The following NUP210L variants were observed in gnomAD, a reference collection of about 807,000 sequenced individuals.
NUP210L encodes the protein nuclear pore membrane glycoprotein 210-like.
In NUP210L, 74 loss-of-function variants were observed where a neutral mutation model predicts 208.5. The ratio of observed to expected loss-of-function variants is 0.35; its 90% CI spans 0.29 to 0.43. The LOEUF is 0.43. Ranked by LOEUF, NUP210L falls within the 20% of genes least tolerant of loss-of-function variation. The pLI is 1.00. For synonymous variants in NUP210L, 780 were observed against 816.9 expected, an observed-to-expected ratio of 0.95 and a Z score of 0.77; for missense variants, 1,843 against 2,289.4, an observed-to-expected ratio of 0.81 and a Z score of 3.98.
At position 154,032,293 on chromosome 1, in the gene NUP210L, GTGAT is replaced by G. The variant is rs531399603; in HGVS notation, c.3697-2243_3697-2240del. Among the ~76,000 whole-genome samples, 296 of 152,232 alleles carry G rather than the reference GTGAT, an allele frequency of 1.9e-3. 2 individuals are homozygous for G. The highest frequency in any genetic ancestry group is 6.9e-3 in the African/African-American group (287 of 41,538). On this transcript the variant is annotated intron_variant, in intron 27 of 39. Transcript: ENST00000368559. ...GAAAACCTCCGAACTATGCTCCATA[GTGAT>G]TGTACTAATTTACATTCCCATCAAC...
chr1:154,137,230 C>T lies in NUP210L; in HGVS notation c.850+876G>A, dbSNP rs753232143. ...TTGGGACAAGGAGTTCAAGACCAGC[C>T]TGGGTAACATAATGAGATCCCATTT... On this transcript the variant is annotated intron_variant, in intron 6 of 39. Coordinates refer to ENST00000368559, the Ensembl canonical transcript of NUP210L. Among the ~76,000 whole-genome samples, 22 of 151,976 alleles carry T rather than the reference C, an allele frequency of 1.4e-4. 1 individual carries two copies. Among genetic ancestry groups the T allele is most frequent in the Admixed American group, 1.4e-3 (22 of 15,228 alleles).
At chr1:154,039,497 A>G (rs1652745678) in intron 27 of NUP210L, among the ~76,000 whole-genome samples, 1 of 152,088 alleles carries the variant, frequency 6.6e-6, no homozygotes, top group Non-Finnish European at 1.5e-5. Flanking sequence ...CGGCCTCCCA[A>G]AGTGCTGGGA....
chr1:154,128,795 C>T (rs1392375057), intron 8 of NUP210L, among the ~76,000 whole-genome samples: 1 of 151,650 alleles, frequency 6.6e-6, no homozygotes, highest in Non-Finnish European at 1.5e-5. Context: ...TGCAGTCAGC[C>T]AAGATCACAC....
rs549085507 is a variant in NUP210L at position 154,060,594 on chromosome 1, G to C, written c.2796C>G (p.Ser932Arg). 3 of 1,613,596 alleles carry C rather than the reference G, an allele frequency of 1.9e-6. No individual in the cohort carries two copies. The South Asian group carries it at 3.3e-5, about 18-fold the overall frequency. ...TGATGGTGACAACACCCTGCTCACT[G>C]CTGTTGACTAAAAAATAACCAGATC... Residue 932 changes from serine (S) to arginine (R), a missense_variant, in exon 20 of 40, where the codon AGC (serine) becomes AGG (arginine). Physicochemically the swap from Ser to Arg is moderately radical, Grantham distance 110. Transcript: ENST00000368559.
At chr1:154,103,759 C>T (rs1300807619) in intron 13 of NUP210L, among the ~76,000 whole-genome samples, 2 of 151,874 alleles carry the variant, frequency 1.3e-5, no homozygotes, top group Non-Finnish European at 2.9e-5. Context: ...TGATATTGGC[C>T]AGCTGCAATG....
chr1:154,126,265 A>G, intron 10 of NUP210L, 58 bp downstream of exon 10: 2 of 1,479,538 alleles, frequency 1.4e-6, no homozygotes, highest in Non-Finnish European at 1.8e-6. Context: ...CAAATCAACA[A>G]GTCAGCCAAG....
intron 16 of NUP210L, among the ~76,000 whole-genome samples, chr1:154,084,519 T>A (rs1221537514): frequency 6.7e-6 from 1 of 149,970 alleles, no homozygotes; most frequent in East Asian, 2.0e-4. Context: ...GCCTTAAATT[T>A]TTTGTACAGA....
At chr1:154,006,027 T>C (rs758097030) in intron 35 of NUP210L, among the ~76,000 whole-genome samples, 57 of 150,530 alleles carry the variant, frequency 3.8e-4, no homozygotes, top group Middle Eastern at 3.2e-3. Flanking sequence ...CCGCCCTAAT[T>C]TTGTATTTTT....
chr1:154,064,249 C>T (rs147634716), intron 17 of NUP210L, among the ~76,000 whole-genome samples: 22 of 151,912 alleles, frequency 1.4e-4, no homozygotes, highest in Non-Finnish European at 2.5e-4. Flanking sequence ...GGTATCCATG[C>T]CTTTGTATAG....
intron 16 of NUP210L, among the ~76,000 whole-genome samples, chr1:154,082,105 T>G (rs576264914): frequency 9.0e-4 from 137 of 152,236 alleles, no homozygotes; most frequent in African/African-American, 3.0e-3. Flanking sequence ...GGACGCTGCG[T>G]GTCTGGGACT....
chr1:154,143,758 A>G (rs1658975437), intron 2 of NUP210L, among the ~76,000 whole-genome samples, 181 bp from the exon 3 acceptor site: 1 of 152,260 alleles, frequency 6.6e-6, no homozygotes, highest in East Asian at 1.9e-4. Flanking sequence ...AACAAGAGGC[A>G]CTAGACCAGA....
exon 16 of NUP210L, chr1:154,089,563 C>T (rs1655799083): frequency 1.2e-6 from 2 of 1,613,988 alleles, no homozygotes. Context: ...GTTCAGGACA[C>T]CTGGATGATT....
rs192115281 is a variant in NUP210L at position 154,075,830 on chromosome 1, C to T, written c.2362-5365G>A. The stretch of plus-strand genomic sequence containing the variant: ...TTTGAGATGGAGTCTTACTTCATTG[C>T]CCAGGCTGGAATGCAGTGATGCAAT... On this transcript the variant is annotated intron_variant, in intron 16 of 39. Transcript: ENST00000368559. Among the ~76,000 whole-genome samples, 210 of 151,766 alleles carry T rather than the reference C, an allele frequency of 1.4e-3. 2 individuals carry two copies. Among genetic ancestry groups the T allele is most frequent in the African/African-American group, 4.9e-3 (202 of 41,394 alleles).
At chr1:154,127,237 G>A (rs540206549) in intron 9 of NUP210L, 74 bp downstream of exon 9, 2 of 600,028 alleles carry the variant, frequency 3.3e-6, no homozygotes, top group Non-Finnish European at 5.7e-6. Flanking sequence ...TTCTAGCCAG[G>A]AAGATGGTCC....
At chr1:154,032,614 C>T (rs2147946254) in intron 27 of NUP210L, among the ~76,000 whole-genome samples, 1 of 152,150 alleles carries the variant, frequency 6.6e-6, no homozygotes, top group East Asian at 1.9e-4. Flanking sequence ...GACTCTCCTG[C>T]CTCAGCCTCC....
At chr1:154,114,086 T>C (rs957571648) in intron 12 of NUP210L, among the ~76,000 whole-genome samples, 6 of 148,914 alleles carry the variant, frequency 4.0e-5, no homozygotes, top group African/African-American at 1.5e-4. Flanking sequence ...GAGGTTGCAA[T>C]GAGCCAAGAT....
Position 154,133,829 on chromosome 1 carries a change from CAG to C in NUP210L, c.1009+1983_1009+1984del, listed in dbSNP as rs1435462129. Among the ~76,000 whole-genome samples, 3 of 151,888 alleles carry C rather than the reference CAG, an allele frequency of 2.0e-5. No individual in the cohort carries two copies. The East Asian group carries it at 5.8e-4, about 29-fold the overall frequency. On this transcript the variant is annotated intron_variant, in intron 7 of 39. Coordinates refer to ENST00000368559, the Ensembl canonical transcript of NUP210L. ...CACCACTGCACTCCAGCCTGGGCAACAGAGTGAGACCCTGTCTCTACAAAAAT... is the reference window on the plus strand; with the variant it reads ...CACCACTGCACTCCAGCCTGGGCAACAGTGAGACCCTGTCTCTACAAAAAT...
chr1:154,009,651 G>T (rs947243304), intron 35 of NUP210L, among the ~76,000 whole-genome samples: 3 of 126,836 alleles, frequency 2.4e-5, no homozygotes, highest in East Asian at 2.3e-4. Flanking sequence ...AAAAAAAAAG[G>T]CATGATGGCA....
chr1:154,121,135 A>G (rs1657596687), intron 10 of NUP210L, among the ~76,000 whole-genome samples: 1 of 152,132 alleles, frequency 6.6e-6, no homozygotes, highest in African/African-American at 2.4e-5. Context: ...ATTTAGCAAC[A>G]ATGATCAATC....
Sources: gnomAD v4.1 joint callset for allele counts (sites outside exome capture counted in the v4.1 genomes callset) on GRCh38, gnomAD v4.1.1 for gene constraint, MANE v1.5 for transcripts, NCBI Gene and HGNC (gene_info 2026-07-23, HGNC 2026-07-21) for gene names.